The following CALCR variants were observed in gnomAD, a reference collection of about 807,000 sequenced individuals.
CALCR encodes the protein calcitonin receptor.
A neutral mutation model predicts 59.5 loss-of-function variants in CALCR; 47 were observed. The ratio of observed to expected loss-of-function variants is 0.79; its 90% CI spans 0.63 to 1.01. CALCR has a LOEUF of 1.01. CALCR is among the 50% of genes least tolerant of loss of function. The probability of loss-of-function intolerance (pLI) is 0.00; values close to 1 mark genes in which losing one functional copy is unlikely to be tolerated. For missense variants in CALCR, 566 were observed against 597.1 expected, an observed-to-expected ratio of 0.95 and a Z score of 0.54; for synonymous variants, 213 against 211.3, an observed-to-expected ratio of 1.01 and a Z score of -0.07.
At chr7:93,508,399 A>T (rs6465384) in intron 2 of CALCR, among the ~76,000 whole-genome samples, 3 of 152,090 alleles carry the variant, frequency 2.0e-5, no homozygotes, top group Admixed American at 2.0e-4. Context: ...GTGGAACATT[A>T]TTTTTTAAAC....
chr7:93,427,130 T>C (rs1799547409), intron 13 of CALCR, among the ~76,000 whole-genome samples: 1 of 152,248 alleles, frequency 6.6e-6, no homozygotes, highest in Admixed American at 6.5e-5. Flanking sequence ...TTTTTAAGAA[T>C]AAGATTTTCT....
At chr7:93,485,248 T>C (rs1800916241) in intron 3 of CALCR, among the ~76,000 whole-genome samples, 1 of 151,666 alleles carries the variant, frequency 6.6e-6, no homozygotes, top group Non-Finnish European at 1.5e-5. Flanking sequence ...TTAAGTGCCC[T>C]GTTCAGTTAT....
chr7:93,439,258 G>A (rs748186996), intron 9 of CALCR, among the ~76,000 whole-genome samples: 7 of 152,106 alleles, frequency 4.6e-5, no homozygotes, highest in African/African-American at 7.2e-5. Flanking sequence ...AACCCAGGAA[G>A]CATATTTTCA....
chr7:93,520,073 TGAA>T (rs577746440), intron 2 of CALCR, among the ~76,000 whole-genome samples: 71 of 152,176 alleles, frequency 4.7e-4, no homozygotes, highest in African/African-American at 1.5e-3. Flanking sequence ...CTGTTATTTT[TGAA>T]GAAGAAGCAA....
intron 2 of CALCR, among the ~76,000 whole-genome samples, chr7:93,534,437 C>T (rs983418021): frequency 2.2e-4 from 34 of 151,678 alleles, no homozygotes; most frequent in Admixed American, 2.2e-3. Context: ...TCTCTGGTCA[C>T]GAGTGCATAG....
At position 93,490,781 on chromosome 7, in the gene CALCR, T is replaced by A. The variant is rs145881128; in HGVS notation, c.-26-3774A>T. ...ATTACACAAACAAATGGAAGAACAT[T>A]CCATCCTCATGGATAGGAAGAATCG... On this transcript the variant is annotated intron_variant, in intron 2 of 13. Transcript: ENST00000426151. Among the ~76,000 whole-genome samples, 610 of 152,084 alleles carry A rather than the reference T, an allele frequency of 4.0e-3. 8 individuals are homozygous for A. The highest frequency in any genetic ancestry group is 0.014 in the African/African-American group (585 of 41,508).
At chr7:93,448,228 C>T (rs1023630130) in intron 8 of CALCR, among the ~76,000 whole-genome samples, 3 of 152,010 alleles carry the variant, frequency 2.0e-5, no homozygotes, top group Non-Finnish European at 4.4e-5. Context: ...TTCTCCCTCT[C>T]ATTGGTAAAA....
chr7:93,445,830 C>G (rs1038346964), intron 8 of CALCR, among the ~76,000 whole-genome samples: 2 of 152,040 alleles, frequency 1.3e-5, no homozygotes, highest in Non-Finnish European at 2.9e-5. Flanking sequence ...GAACATCATA[C>G]AGCACTTCAG....
chr7:93,554,791 A>ATC (rs1491072914), intron 2 of CALCR, among the ~76,000 whole-genome samples: 1 of 138,386 alleles, frequency 7.2e-6, no homozygotes, highest in East Asian at 2.3e-4. Context: ...ATATATATAT[A>ATC]TTATACGTAC....
intron 2 of CALCR, among the ~76,000 whole-genome samples, chr7:93,511,391 TTAAG>T (rs1329060768): frequency 2.0e-5 from 3 of 152,118 alleles, no homozygotes; most frequent in African/African-American, 7.2e-5. Flanking sequence ...TTAAAAACAA[TTAAG>T]TAATATATAA....
chr7:93,428,668 T>C (rs1475506064), intron 13 of CALCR, among the ~76,000 whole-genome samples: 1 of 151,402 alleles, frequency 6.6e-6, no homozygotes, highest in Non-Finnish European at 1.5e-5. Flanking sequence ...GCGCCTGTAG[T>C]CCCAGCTACT....
chr7:93,467,010 G>A (rs1219755121), intron 7 of CALCR, among the ~76,000 whole-genome samples: 2 of 151,192 alleles, frequency 1.3e-5, no homozygotes. Flanking sequence ...ACTACAATTA[G>A]TTGCATGATT....
chr7:93,546,760 C>T (rs1414381156), intron 2 of CALCR, among the ~76,000 whole-genome samples: 2 of 151,506 alleles, frequency 1.3e-5, no homozygotes, highest in Admixed American at 1.3e-4. Context: ...GTGGTTTTGC[C>T]ATGTTGCCCA....
chr7:93,524,052 A>G (rs1289316079), intron 2 of CALCR, among the ~76,000 whole-genome samples: 1 of 152,088 alleles, frequency 6.6e-6, no homozygotes, highest in African/African-American at 2.4e-5. Context: ...GTTTCATCAT[A>G]TTAGTAGTAA....
chr7:93,493,656 A>G (rs1801134473), intron 2 of CALCR, among the ~76,000 whole-genome samples: 1 of 151,450 alleles, frequency 6.6e-6, no homozygotes, highest in Non-Finnish European at 1.5e-5. Context: ...AGTTAGTGCA[A>G]AGAACCATTG....
At chr7:93,510,436 C>T (rs1801521520) in intron 2 of CALCR, among the ~76,000 whole-genome samples, 1 of 152,122 alleles carries the variant, frequency 6.6e-6, no homozygotes, top group South Asian at 2.1e-4. Flanking sequence ...CAGGGAGGCA[C>T]CCATCAGTGA....
chr7:93,518,229 C>T (rs1245343708), intron 2 of CALCR, among the ~76,000 whole-genome samples: 1 of 151,676 alleles, frequency 6.6e-6, no homozygotes, highest in South Asian at 2.1e-4. Context: ...CACACATACA[C>T]ACACACTCCA....
At chr7:93,454,302 T>C (rs1800164629) in intron 8 of CALCR, among the ~76,000 whole-genome samples, 1 of 151,948 alleles carries the variant, frequency 6.6e-6, no homozygotes, top group South Asian at 2.1e-4. Context: ...TCAATCGTTC[T>C]GAAAAAATAA....
intron 5 of CALCR, among the ~76,000 whole-genome samples, 181 bp from the exon 6 acceptor site, chr7:93,472,668 C>T (rs1028826970): frequency 6.6e-6 from 1 of 151,676 alleles, no homozygotes; most frequent in Non-Finnish European, 1.5e-5. Flanking sequence ...TATGTATTGT[C>T]TCATTTTATC....
Sources: gnomAD v4.1 joint callset for allele counts (sites outside exome capture counted in the v4.1 genomes callset) on GRCh38, gnomAD v4.1.1 for gene constraint, MANE v1.5 for transcripts, NCBI Gene and HGNC (gene_info 2026-07-23, HGNC 2026-07-21) for gene names.